ATRNL1: variants seen among roughly 807,000 people sequenced by gnomAD.
ATRNL1 encodes the protein attractin like 1.
Under a neutral mutation model 182.7 loss-of-function variants are expected in ATRNL1, and 95 were observed. The ratio of observed to expected loss-of-function variants is 0.52; its 90% CI spans 0.44 to 0.62. The LOEUF (loss-of-function observed/expected upper bound fraction) is 0.62. Among genes scored for constraint, ATRNL1 ranks in the 20% least tolerant of loss-of-function variants. The pLI, the probability that ATRNL1 is intolerant of heterozygous loss-of-function variation, is 0.00. For synonymous variants in ATRNL1, 576 were observed against 568.3 expected, an observed-to-expected ratio of 1.01 and a Z score of -0.19; for missense variants, 1,471 against 1,679.5, an observed-to-expected ratio of 0.88 and a Z score of 2.17.
intron 26 of ATRNL1, among the ~76,000 whole-genome samples, chr10:115,657,127 T>C (rs1270422098): frequency 2.6e-5 from 4 of 152,140 alleles, no homozygotes; most frequent in Non-Finnish European, 5.9e-5. Flanking sequence ...GAGGACTTAA[T>C]ATACATGATT....
At chr10:115,659,367 C>G (rs1860531837) in intron 26 of ATRNL1, among the ~76,000 whole-genome samples, 1 of 152,050 alleles carries the variant, frequency 6.6e-6, no homozygotes. Context: ...AGTTAATTAT[C>G]TGCTTGGTGT....
In ATRNL1 at chr10:115,353,522, C is replaced by T. The variant is rs1856364486; in HGVS notation, c.3175+19103C>T. Among the ~76,000 whole-genome samples the T allele has an allele frequency of 2.0e-5, 3 of 152,042 alleles. No individual in the cohort carries two copies. The South Asian group carries it at 6.2e-4, about 31-fold the overall frequency. On this transcript the variant is annotated intron_variant, in intron 19 of 28. Transcript: ENST00000355044. ...AGTCTTGTTTTAATCCATTCAGCCA[C>T]TCTCTGTCTTTTATTTGAAGAATTT...
chr10:115,551,249 C>T (rs1852969202), intron 26 of ATRNL1, among the ~76,000 whole-genome samples: 1 of 151,564 alleles, frequency 6.6e-6, no homozygotes, highest in South Asian at 2.1e-4. Context: ...TTGATTTTGG[C>T]TAATATTGTA....
chr10:115,129,345 C>T lies in ATRNL1; in HGVS notation c.639C>T (p.Asn213=), dbSNP rs1845120752. Reference sequence around the variant, plus strand: ...TTTACAGAATCAATTCTTGTCCTAACAATTGCTCTGGTCATGGGAAGTGTA... The same window carrying T: ...TTTACAGAATCAATTCTTGTCCTAATAATTGCTCTGGTCATGGGAAGTGTA... ...NIFYSINSCP[N]NCSGHGKCTT... The change falls in exon 5 of 29, where the codon AAC becomes AAT. Residue 213 remains asparagine (N), a synonymous_variant. Coordinates refer to ENST00000355044, the MANE Select transcript of ATRNL1 (RefSeq NM_207303.4). 6.2e-7 allele frequency: 1 copy of T among 1,612,234 alleles called. No individual in the cohort carries two copies. Among genetic ancestry groups the T allele is most frequent in the Non-Finnish European group, 8.5e-7 (1 of 1,178,522 alleles).
At chr10:115,824,314 C>T (rs551527039) in intron 27 of ATRNL1, among the ~76,000 whole-genome samples, 31 of 152,216 alleles carry the variant, frequency 2.0e-4, no homozygotes, top group African/African-American at 6.7e-4. Context: ...AGACCTAAAA[C>T]CATAGAAACC....
chr10:115,825,168 A>G (rs1397982801), intron 27 of ATRNL1, among the ~76,000 whole-genome samples: 1 of 152,232 alleles, frequency 6.6e-6, no homozygotes, highest in Non-Finnish European at 1.5e-5. Flanking sequence ...CTCAACATCA[A>G]ACTAACACAG....
intron 10 of ATRNL1, among the ~76,000 whole-genome samples, chr10:115,263,417 T>C (rs1310348980): frequency 6.6e-6 from 1 of 151,776 alleles, no homozygotes; most frequent in Non-Finnish European, 1.5e-5. Flanking sequence ...TGTAAAATGG[T>C]CCAGCTACTA....
chr10:115,610,623 C>T (rs921542131), intron 26 of ATRNL1, among the ~76,000 whole-genome samples: 2 of 151,722 alleles, frequency 1.3e-5, no homozygotes, highest in African/African-American at 4.9e-5. Flanking sequence ...CTTTTGAGCC[C>T]AATTTTTTAT....
intron 27 of ATRNL1, among the ~76,000 whole-genome samples, chr10:115,807,448 A>G (rs1434562729): frequency 6.6e-6 from 1 of 152,238 alleles, no homozygotes; most frequent in Non-Finnish European, 1.5e-5. Context: ...TACTATGGGT[A>G]CCAAATTCAA....
intron 19 of ATRNL1, among the ~76,000 whole-genome samples, chr10:115,347,377 G>A (rs1554940066): frequency 6.6e-6 from 1 of 151,840 alleles, no homozygotes; most frequent in African/African-American, 2.4e-5. Context: ...ATTTTTTGGG[G>A]CCACATTAGC....
chr10:115,488,569 C>A (rs1023668575), intron 24 of ATRNL1, among the ~76,000 whole-genome samples: 2 of 151,938 alleles, frequency 1.3e-5, no homozygotes, highest in Admixed American at 6.6e-5. Context: ...GTGGTGATAT[C>A]CCCTTTATCA....
chr10:115,827,127 A>G (rs541795915), intron 27 of ATRNL1, among the ~76,000 whole-genome samples: 3 of 152,358 alleles, frequency 2.0e-5, no homozygotes, highest in African/African-American at 7.2e-5. Flanking sequence ...GCTGTGTGAC[A>G]GAACATTAAC....
chr10:115,496,377 G>A (rs1849550831), intron 24 of ATRNL1, among the ~76,000 whole-genome samples: 1 of 152,054 alleles, frequency 6.6e-6, no homozygotes, highest in Admixed American at 6.6e-5. Context: ...TATAAGGCAG[G>A]TAATGAATTC....
intron 18 of ATRNL1, among the ~76,000 whole-genome samples, chr10:115,326,045 G>A (rs529663809): frequency 7.2e-5 from 11 of 152,164 alleles, no homozygotes; most frequent in African/African-American, 2.6e-4. Flanking sequence ...AATTAGTGGT[G>A]TCACAGAGTA....
At chr10:115,404,056 T>C (rs594160) in intron 20 of ATRNL1, among the ~76,000 whole-genome samples, 109,252 of 152,076 alleles carry the variant, frequency 0.72, 40,211 homozygotes, top group African/African-American at 0.77. Flanking sequence ...GGAATATGTT[T>C]TGGTAACAAG....
chr10:115,612,786 C>G (rs1404052089), intron 26 of ATRNL1, among the ~76,000 whole-genome samples: 2 of 152,158 alleles, frequency 1.3e-5, no homozygotes, highest in African/African-American at 2.4e-5. Context: ...CATGAGGGCC[C>G]TCCCTTCCTA....
rs533565843 is a variant in ATRNL1, at chr10:115,864,283, A to T, written c.4018+16292A>T. Among the ~76,000 whole-genome samples, 1,242 of 152,130 alleles carry T rather than the reference A, an allele frequency of 8.2e-3. 16 individuals are homozygous for T. The highest frequency in any genetic ancestry group is 0.028 in the African/African-American group (1,156 of 41,458). ...CCCAGTGTCACAAGAAAAAAAAAAA[A>T]AAAGAAGTGGGAGAGAAGAGAGCAG... is the stretch of plus-strand genomic sequence containing the variant. On this transcript the variant is annotated intron_variant, in intron 28 of 28. Transcript: ENST00000355044.
At position 115,825,875 on chromosome 10, in the gene ATRNL1, T is replaced by TC. The variant is rs544687562; in HGVS notation, c.3904-21999dup. ...TATCGTTGCATTGTGACCTTTTTTT[T>TC]CCCTTAGGGTCTTTCCCACTTGAAC... On this transcript the variant is annotated intron_variant, in intron 27 of 28. Transcript: ENST00000355044. Among the ~76,000 whole-genome samples the TC allele has an allele frequency of 3.4e-4, 52 of 152,310 alleles. No homozygotes were observed. In the South Asian group the frequency reaches 0.01, roughly 30 times the overall value.
chr10:115,389,006 A>G (rs782178406), intron 19 of ATRNL1, among the ~76,000 whole-genome samples: 5 of 152,112 alleles, frequency 3.3e-5, no homozygotes, highest in Non-Finnish European at 5.9e-5. Context: ...ACTAAAGCTT[A>G]TTCCTCCTAA....
Sources: gnomAD v4.1 joint callset for allele counts (sites outside exome capture counted in the v4.1 genomes callset) on GRCh38, gnomAD v4.1.1 for gene constraint, MANE v1.5 for transcripts, NCBI Gene and HGNC (gene_info 2026-07-23, HGNC 2026-07-21) for gene names.